EXOC6B: variants seen among roughly 807,000 people sequenced by gnomAD.
EXOC6B encodes the protein SEC15 homolog B.
A neutral mutation model predicts 113.5 loss-of-function variants in EXOC6B; 54 were observed. The ratio of observed to expected loss-of-function variants is 0.48; its 90% CI spans 0.38 to 0.60. EXOC6B has a LOEUF of 0.60. Among genes scored for constraint, EXOC6B ranks in the 20% least tolerant of loss-of-function variants. The pLI, the probability that EXOC6B is intolerant of heterozygous loss-of-function variation, is 0.00. For synonymous variants in EXOC6B, 357 were observed against 339.0 expected (o/e 1.05, Z -0.58); for missense variants, 797 against 977.5 (o/e 0.82, Z 2.46).
intron 5 of EXOC6B, 83 bp downstream of exon 5, chr2:72,730,924 T>C (rs1202953416): frequency 9.7e-6 from 9 of 929,984 alleles, no homozygotes; most frequent in Non-Finnish European, 1.4e-5. Context: ...TTTTGAAAAG[T>C]TATGCTAAAT....
chr2:72,502,813 C>G (rs762803765), intron 11 of EXOC6B, among the ~76,000 whole-genome samples: 1 of 152,002 alleles, frequency 6.6e-6, no homozygotes, highest in Non-Finnish European at 1.5e-5. Flanking sequence ...TTCTAAATCT[C>G]TATTAGATAC....
chr2:72,313,862 T>G (rs1046392544), intron 20 of EXOC6B, among the ~76,000 whole-genome samples: 1 of 152,178 alleles, frequency 6.6e-6, no homozygotes, highest in African/African-American at 2.4e-5. Context: ...AGTCATAGAT[T>G]TAGCAATTAA....
In EXOC6B at chr2:72,612,942, T is replaced by C. The variant is rs150750887; in HGVS notation, c.670-37274A>G. On this transcript the variant is annotated intron_variant, in intron 6 of 21. Coordinates refer to ENST00000272427, the MANE Select transcript of EXOC6B (RefSeq NM_015189.3). ...AGAACAAAATACATTTTTAAGAAAA[T>C]CATGCAGCTAGCTCAGTAGCATTTG... 4.5e-4 allele frequency among the ~76,000 whole-genome samples: 69 copies of C among 152,284 alleles called. No homozygotes were observed. The East Asian group carries it at 0.013, about 28-fold the overall frequency.
At chr2:72,688,393 A>G (rs1387982950) in intron 6 of EXOC6B, among the ~76,000 whole-genome samples, 1 of 152,168 alleles carries the variant, frequency 6.6e-6, no homozygotes. Flanking sequence ...GTCAACTAAA[A>G]CTTATTTTCA....
At chr2:72,451,941 C>T (rs1173017099) in intron 18 of EXOC6B, among the ~76,000 whole-genome samples, 1 of 152,110 alleles carries the variant, frequency 6.6e-6, no homozygotes, top group Non-Finnish European at 1.5e-5. Flanking sequence ...GAATATACCA[C>T]ATTCCTGTTG....
chr2:72,359,189 T>G (rs746904166), intron 19 of EXOC6B, among the ~76,000 whole-genome samples: 1 of 152,168 alleles, frequency 6.6e-6, no homozygotes, highest in Non-Finnish European at 1.5e-5. Context: ...TGAATGTTAG[T>G]GTCCACTCTA....
intron 1 of EXOC6B, among the ~76,000 whole-genome samples, chr2:72,789,603 C>T (rs1356934432): frequency 6.6e-6 from 1 of 152,154 alleles, no homozygotes; most frequent in Non-Finnish European, 1.5e-5. Flanking sequence ...AAAACTAGTT[C>T]TTTTTATGAC....
chr2:72,345,943 T>C (rs1277047611), intron 19 of EXOC6B, among the ~76,000 whole-genome samples: 1 of 152,088 alleles, frequency 6.6e-6, no homozygotes, highest in Non-Finnish European at 1.5e-5. Context: ...GGGAGTATAT[T>C]GGAACTCTGT....
At chr2:72,592,091 G>C (rs1312453204) in intron 6 of EXOC6B, among the ~76,000 whole-genome samples, 1 of 151,936 alleles carries the variant, frequency 6.6e-6, no homozygotes, top group Non-Finnish European at 1.5e-5. Flanking sequence ...ATCCACTTCT[G>C]GCAATGGTGA....
intron 1 of EXOC6B, among the ~76,000 whole-genome samples, chr2:72,798,338 T>C (rs1285383191): frequency 6.6e-6 from 1 of 151,898 alleles, no homozygotes; most frequent in Non-Finnish European, 1.5e-5. Context: ...CACAAACTCA[T>C]AGTCACCTTA....
chr2:72,753,808 C>CTG (rs1370759188), intron 1 of EXOC6B, among the ~76,000 whole-genome samples: 1 of 152,162 alleles, frequency 6.6e-6, no homozygotes, highest in Non-Finnish European at 1.5e-5. Context: ...AATGTCCTTA[C>CTG]CATCACTTCT....
intron 20 of EXOC6B, among the ~76,000 whole-genome samples, chr2:72,314,005 T>A (rs934472412): frequency 1.3e-5 from 2 of 152,128 alleles, no homozygotes; most frequent in Admixed American, 1.3e-4. Flanking sequence ...AGAAAGGGGA[T>A]GAAAGAAAAG....
Position 72,715,093 on chromosome 2 carries a change from C to T in EXOC6B, c.669+3010G>A, listed in dbSNP as rs1441661871. ...CATCCTGGCCAACATGGTGAAGCCCCGTCTCTACTAAAAATACAGAAAACT... is the reference window on the plus strand; with the variant it reads ...CATCCTGGCCAACATGGTGAAGCCCTGTCTCTACTAAAAATACAGAAAACT... On this transcript the variant is annotated intron_variant, in intron 6 of 21. Transcript: ENST00000272427. Among the ~76,000 whole-genome samples, 9 of 151,996 alleles carry T rather than the reference C, an allele frequency of 5.9e-5. No individual in the cohort carries two copies. In the South Asian group the frequency reaches 6.2e-4, roughly 11 times the overall value.
Position 72,512,652 on chromosome 2 carries a change from T to C in EXOC6B, c.1167+480A>G, listed in dbSNP as rs546504242. ...GTGTTTATAATATTAACAGGCACTA[T>C]AGAAGGCAAAATGGTATAGTGGCTA... On this transcript the variant is annotated intron_variant, in intron 11 of 21. Transcript: ENST00000272427. 1.0e-3 allele frequency among the ~76,000 whole-genome samples: 152 copies of C among 152,128 alleles called. 1 individual carries two copies. Among genetic ancestry groups the C allele is most frequent in the Non-Finnish European group, 1.9e-3 (130 of 67,940 alleles).
chr2:72,395,694 T>C (rs1203388982), intron 18 of EXOC6B, among the ~76,000 whole-genome samples: 3 of 152,178 alleles, frequency 2.0e-5, no homozygotes, highest in Non-Finnish European at 4.4e-5. Flanking sequence ...TTTGGGTTCA[T>C]ATTAACTTAG....
At chr2:72,573,843 C>A (rs1382495834) in intron 7 of EXOC6B, among the ~76,000 whole-genome samples, 1 of 152,048 alleles carries the variant, frequency 6.6e-6, no homozygotes. Context: ...CGGCTGGGTG[C>A]GGTGGCTCAC....
intron 20 of EXOC6B, among the ~76,000 whole-genome samples, chr2:72,208,237 C>T (rs1249658276): frequency 6.6e-6 from 1 of 151,890 alleles, no homozygotes; most frequent in African/African-American, 2.4e-5. Flanking sequence ...GTTTCCCTCC[C>T]TCCCTTCCCC....
At chr2:72,811,917 A>G (rs1278292276) in intron 1 of EXOC6B, among the ~76,000 whole-genome samples, 1 of 152,254 alleles carries the variant, frequency 6.6e-6, no homozygotes, top group African/African-American at 2.4e-5. Flanking sequence ...AAGAGCATCC[A>G]CAAAAAAACC....
At chr2:72,399,551 A>AT (rs1356061690) in intron 18 of EXOC6B, among the ~76,000 whole-genome samples, 1 of 152,144 alleles carries the variant, frequency 6.6e-6, no homozygotes, top group African/African-American at 2.4e-5. Context: ...CCTAAAGACA[A>AT]TACCAAACGA....
Sources: allele counts gnomAD v4.1 joint callset (sites outside exome capture counted in the v4.1 genomes callset), GRCh38; gene constraint gnomAD v4.1.1; transcripts MANE v1.5; gene names NCBI Gene and HGNC (gene_info 2026-07-23, HGNC 2026-07-21).